CASD1: variants seen among roughly 807,000 people sequenced by gnomAD.
CASD1 encodes the protein N-acetylneuraminate (7)9-O-acetyltransferase.
In CASD1, 41 loss-of-function variants were observed where a neutral mutation model predicts 100.0. That is an observed-to-expected ratio of 0.41 (90% CI 0.32 to 0.53). The LOEUF (loss-of-function observed/expected upper bound fraction) is 0.53. CASD1 is among the 20% of genes least tolerant of loss of function. The pLI, the probability that CASD1 is intolerant of heterozygous loss-of-function variation, is 0.25. For synonymous variants in CASD1, 321 were observed against 315.6 expected (o/e 1.02, Z -0.18); for missense variants, 774 against 948.7 (o/e 0.82, Z 2.42).
the CASD1 span, among the ~76,000 whole-genome samples, chr7:94,601,454 A>AC: frequency 1.1e-3 from 75 of 66,386 alleles, no homozygotes; most frequent in Admixed American, 0.01. Context: ...AAAAAAAAAA[A>AC]AAAAAAAAAA....
At chr7:94,596,726 T>C in the CASD1 span, among the ~76,000 whole-genome samples, 1 of 152,202 alleles carries the variant, frequency 6.6e-6, no homozygotes, top group African/African-American at 2.4e-5. Flanking sequence ...ATACTAAGTA[T>C]ACTGAATTCA....
At chr7:94,610,343 G>A in the CASD1 span, among the ~76,000 whole-genome samples, 1 of 152,122 alleles carries the variant, frequency 6.6e-6, no homozygotes, top group African/African-American at 2.4e-5. Flanking sequence ...AACACCTAAT[G>A]TAAGGTAGGG....
At chr7:94,615,364 AAATAG>A in the CASD1 span, among the ~76,000 whole-genome samples, 1 of 122,662 alleles carries the variant, frequency 8.2e-6, no homozygotes, top group Non-Finnish European at 1.7e-5. Context: ...GTCTCAAAAT[AAATAG>A]ATAGATAGAT....
intron 2 of CASD1, 125 bp downstream of exon 2, chr7:94,517,781 G>A: frequency 1.7e-6 from 1 of 577,896 alleles, no homozygotes; most frequent in South Asian, 2.7e-5. Context: ...TGAGTGTAGG[G>A]CTGATTGCAA....
chr7:94,538,824 T>G, intron 9 of CASD1, 143 bp from the exon 10 acceptor site: 1 of 441,484 alleles, frequency 2.3e-6, no homozygotes, highest in Admixed American at 4.1e-5. Flanking sequence ...ATGACAGTTT[T>G]TAACTGTTTC....
chr7:94,618,298 C>A, the CASD1 span: 1 of 163,738 alleles, frequency 6.1e-6, no homozygotes, highest in East Asian at 1.8e-4. Flanking sequence ...AGGCTTTAGG[C>A]CTTTGTGTCA....
chr7:94,546,433 C>T (rs575195862), intron 12 of CASD1, among the ~76,000 whole-genome samples: 1 of 151,962 alleles, frequency 6.6e-6, no homozygotes, highest in African/African-American at 2.4e-5. Flanking sequence ...ACTCTTTCAA[C>T]CAAATATTAT....
intron 3 of CASD1, among the ~76,000 whole-genome samples, chr7:94,525,418 G>T (rs78856568): frequency 0.015 from 2,215 of 152,216 alleles, 48 homozygotes; most frequent in African/African-American, 0.05. Flanking sequence ...CCACATAGGT[G>T]GTTCAGTGTG....
At chr7:94,609,525 C>G in the CASD1 span, among the ~76,000 whole-genome samples, 2 of 152,214 alleles carry the variant, frequency 1.3e-5, no homozygotes, top group Admixed American at 1.3e-4. Flanking sequence ...CAGTAAGACT[C>G]TGTCTAAAAA....
intron 3 of CASD1, among the ~76,000 whole-genome samples, chr7:94,521,674 A>G (rs1456166488): frequency 2.0e-5 from 3 of 152,182 alleles, no homozygotes; most frequent in Admixed American, 1.3e-4. Flanking sequence ...TGTACCATAC[A>G]TATACATATG....
chr7:94,537,921 T>A, intron 9 of CASD1, 27 bp downstream of exon 9: 1 of 1,256,942 alleles, frequency 8.0e-7, no homozygotes, highest in South Asian at 1.3e-5. Context: ...TTTTAACTCA[T>A]GTTACCCTTC....
At chr7:94,594,418 A>G in the CASD1 span, 1 of 152,150 alleles carries the variant, frequency 6.6e-6, no homozygotes. Flanking sequence ...CATGAGGGAC[A>G]TACTACACAA....
intron 17 of CASD1, 48 bp downstream of exon 17, chr7:94,554,623 G>A (rs1222516823): frequency 8.4e-7 from 1 of 1,189,754 alleles, no homozygotes; most frequent in Non-Finnish European, 1.3e-6. Context: ...GGTGTTTCAT[G>A]TTTGTGTATG....
chr7:94,610,733 A>G, the CASD1 span, among the ~76,000 whole-genome samples: 1 of 152,220 alleles, frequency 6.6e-6, no homozygotes, highest in Admixed American at 6.5e-5. Context: ...GGAATAGGAG[A>G]AAATAACTGC....
At chr7:94,554,220 C>T (rs1350506484) in intron 16 of CASD1, 1 of 234,332 alleles carries the variant, frequency 4.3e-6, no homozygotes, top group Non-Finnish European at 8.2e-6. Flanking sequence ...TGTAATTTTT[C>T]CAGTATACAT....
the CASD1 span, chr7:94,621,847 A>G: frequency 6.6e-6 from 1 of 152,162 alleles, no homozygotes; most frequent in African/African-American, 2.4e-5. Flanking sequence ...ATAAATACCT[A>G]CCAAAAGCCT....
chr7:94,626,177 C>T, the CASD1 span: 1 of 152,018 alleles, frequency 6.6e-6, no homozygotes, highest in Non-Finnish European at 1.5e-5. Flanking sequence ...TTTAGATACT[C>T]TTAGTCAGCT....
intron 5 of CASD1, among the ~76,000 whole-genome samples, chr7:94,529,166 A>G (rs899628247): frequency 6.6e-6 from 1 of 152,184 alleles, no homozygotes; most frequent in Non-Finnish European, 1.5e-5. Context: ...ATGTTTTTAA[A>G]TGTCCAGAAG....
downstream of CASD1, among the ~76,000 whole-genome samples, chr7:94,560,432 C>T (rs532135025): frequency 3.9e-5 from 6 of 152,128 alleles, no homozygotes; most frequent in South Asian, 1.0e-3. Context: ...TTCCAAAGTA[C>T]GTAATGCATA....
Sources: allele counts gnomAD v4.1 joint callset (sites outside exome capture counted in the v4.1 genomes callset), GRCh38; gene constraint gnomAD v4.1.1; transcripts MANE v1.5; gene names NCBI Gene and HGNC (gene_info 2026-07-23, HGNC 2026-07-21).